The following PRR14L variants were observed in gnomAD, a reference collection of about 807,000 sequenced individuals.
The protein encoded by PRR14L is proline rich 14 like.
PRR14L carries 80 observed loss-of-function variants against 155.0 expected under a neutral mutation model. That is an observed-to-expected ratio of 0.52 (90% CI 0.43 to 0.62). PRR14L has a LOEUF of 0.62. PRR14L is among the 20% of genes least tolerant of loss of function. PRR14L has a pLI of 0.00. For synonymous variants in PRR14L, 883 were observed against 916.0 expected (o/e 0.96, Z 0.65); for missense variants, 2,469 against 2,548.0 (o/e 0.97, Z 0.67).
chr22:31,719,767 C>T (rs1045371010), intron 3 of PRR14L, among the ~76,000 whole-genome samples: 10 of 150,392 alleles, frequency 6.6e-5, no homozygotes, highest in Non-Finnish European at 1.0e-4. Context: ...GACAGGGTCT[C>T]GCTTTGTTGC....
chr22:31,705,126 T>G (rs2074583142), intron 4 of PRR14L, among the ~76,000 whole-genome samples: 1 of 151,998 alleles, frequency 6.6e-6, no homozygotes, highest in Admixed American at 6.6e-5. Flanking sequence ...CCAGGGGTGG[T>G]GGAGTGCACC....
rs1259113130 is a variant in PRR14L at position 31,716,393 on chromosome 22, G to A, written c.1446C>T (p.His482=). The part of the protein sequence containing the change: ...LNKNDLKITV[H]VQGNLTNPED... ...CAGGGTTTGTCAAGTTACCTTGAAC[G>A]TGTACAGTAATTTTCAAATCATTTT... The change falls in exon 4 of 9, where the codon CAC becomes CAT. Residue 482 remains histidine (H), a synonymous_variant. Transcript: ENST00000327423. 1.4e-5 allele frequency: 22 copies of A among 1,549,544 alleles called. No homozygotes were observed. Among genetic ancestry groups the A allele is most frequent in the East Asian group, 1.2e-4 (5 of 40,912 alleles).
chr22:31,712,471 T>A lies in PRR14L; in HGVS notation c.5368A>T (p.Thr1790Ser). Residue 1790 changes from threonine to serine, a missense_variant, in exon 4 of 9, where the codon ACT becomes TCT. Coordinates refer to ENST00000327423, the MANE Select transcript of PRR14L (RefSeq NM_173566.3). Reference sequence around the variant, plus strand: ...GCTGGAGGCTGGGGAGGAGCCTGAGTGTGGGTCTGACTATGGACGCCAGTG... The same window carrying A: ...GCTGGAGGCTGGGGAGGAGCCTGAGAGTGGGTCTGACTATGGACGCCAGTG... ...EDTGVHSQTH[T>S]QAPPQPPAPL... is the part of the protein sequence containing the mutation. 6.4e-7 allele frequency: 1 copy of A among 1,553,206 alleles called. No homozygotes were observed. Among genetic ancestry groups the A allele is most frequent in the Non-Finnish European group, 8.7e-7 (1 of 1,147,672 alleles).
Position 31,716,582 on chromosome 22 carries a change from T to C in PRR14L, c.1257A>G (p.Glu419=), listed in dbSNP as rs1250034386. Residue 419 remains glutamate, a synonymous_variant, in exon 4 of 9, where the codon GAA becomes GAG. Coordinates refer to ENST00000327423, the MANE Select transcript of PRR14L (RefSeq NM_173566.3). ...RGGPFLFNAR[E]PEKEISGRCS... ...AACGACCACTAATCTCCTTTTCTGG[T>C]TCCCTGGCATTAAAAAGAAAAGGTC... is the stretch of plus-strand genomic sequence containing the variant. 2 of 1,549,198 alleles carry C rather than the reference T, an allele frequency of 1.3e-6. No individual in the cohort carries two copies. Among genetic ancestry groups the C allele is most frequent in the Admixed American group, 4.0e-5 (2 of 50,334 alleles).
chr22:31,705,060 G>A (rs2074582700), intron 4 of PRR14L, among the ~76,000 whole-genome samples: 1 of 152,114 alleles, frequency 6.6e-6, no homozygotes. Flanking sequence ...AGGAGTTCAA[G>A]ACCAGCTTGG....
intron 7 of PRR14L, among the ~76,000 whole-genome samples, chr22:31,698,973 T>C (rs2074549578): frequency 6.6e-6 from 1 of 152,154 alleles, no homozygotes. Flanking sequence ...ACACATTTAG[T>C]AAAGCAGTAT....
At chr22:31,736,202 G>T (rs997827633) in intron 2 of PRR14L, among the ~76,000 whole-genome samples, 1 of 134,352 alleles carries the variant, frequency 7.4e-6, no homozygotes, top group Non-Finnish European at 1.6e-5. Flanking sequence ...CTGGGCAATA[G>T]AACGAGACTC....
rs367918307 is a variant in PRR14L at position 31,717,163 on chromosome 22, C to A, written c.676G>T (p.Ala226Ser). 7.7e-6 allele frequency: 12 copies of A among 1,552,336 alleles called. No individual in the cohort carries two copies. Among genetic ancestry groups the A allele is most frequent in the Admixed American group, 2.0e-5 (1 of 51,006 alleles). ...KNGNVSKDLS[A>S]GCGEFQEVDK... Reference sequence around the variant, plus strand: ...ACTTCTTGGAATTCACCGCATCCAGCTGAGAGATCTTTACTCACATTGCCA... The same window carrying A: ...ACTTCTTGGAATTCACCGCATCCAGATGAGAGATCTTTACTCACATTGCCA... Residue 226 changes from alanine to serine, a missense_variant, in exon 4 of 9, where the codon GCT becomes TCT. Ala to Ser is a moderately conservative substitution (Grantham distance 99, BLOSUM62 1). Around this residue, in one of 2 missense-constraint regions of PRR14L, gnomAD observed 2,363 missense variants for 2,371.6 expected, o/e 1.00. Coordinates refer to ENST00000327423, the MANE Select transcript of PRR14L (RefSeq NM_173566.3).
Position 31,715,438 on chromosome 22 carries a change from A to C in PRR14L, c.2401T>G (p.Cys801Gly). The change falls in exon 4 of 9, where the codon TGT (cysteine) becomes GGT (glycine). Residue 801 changes from cysteine to glycine, a missense_variant. By Grantham distance (159) the Cys-to-Gly change is radical. Around this residue, in one of 2 missense-constraint regions of PRR14L, gnomAD observed 2,363 missense variants for 2,371.6 expected, o/e 1.00. Coordinates refer to ENST00000327423, the MANE Select transcript of PRR14L (RefSeq NM_173566.3). The stretch of plus-strand genomic sequence containing the variant: ...GACTTGAAAGCAGCAGAAGCAGAAC[A>C]CATGTTTTCCTGGGATACATTTTTT... ...VRKNVSQENM[C>G]SASAAFKSSK... 1 of 1,552,374 alleles carries C rather than the reference A, an allele frequency of 6.4e-7. No homozygotes were observed. Among genetic ancestry groups the C allele is most frequent in the Non-Finnish European group, 8.7e-7 (1 of 1,147,128 alleles).
intron 2 of PRR14L, among the ~76,000 whole-genome samples, chr22:31,737,188 T>C (rs1018016954): frequency 6.6e-6 from 1 of 151,874 alleles, no homozygotes; most frequent in Non-Finnish European, 1.5e-5. Flanking sequence ...CTTTAAGAAT[T>C]TGGAGGGCCC....
At position 31,683,483 on chromosome 22, in the gene PRR14L, T is replaced by C. The variant is rs540849032; in HGVS notation, c.*2044A>G. The C allele has an allele frequency of 6.6e-6, 1 of 152,226 alleles. No individual in the cohort carries two copies. Among genetic ancestry groups the C allele is most frequent in the Non-Finnish European group, 1.5e-5 (1 of 68,078 alleles). 9.4% of individuals were successfully genotyped at this position (152,226 alleles called of 1,614,324 possible). ...AAGCATTTAGTGTCTAAGAACCCTG[T>C]CCCAGGAAGGGAGAGGTATTGAGGT... is the stretch of plus-strand genomic sequence containing the variant. On this transcript the variant is annotated 3_prime_UTR_variant, in exon 9 of 9. Transcript: ENST00000327423.
At chr22:31,721,275 G>T (rs1472775218) in intron 3 of PRR14L, among the ~76,000 whole-genome samples, 4 of 152,216 alleles carry the variant, frequency 2.6e-5, no homozygotes, top group African/African-American at 9.6e-5. Flanking sequence ...AATAAGGAAT[G>T]ATAGGCAAAA....
chr22:31,712,585 C>T lies in PRR14L; in HGVS notation c.5254G>A (p.Ala1752Thr). The T allele has an allele frequency of 6.4e-7, 1 of 1,551,684 alleles. No homozygotes were observed. The highest frequency in any genetic ancestry group is 1.4e-5 in the African/African-American group (1 of 73,176). Reference sequence around the variant, plus strand: ...GGAGGTTGAGACGGGCACTGGAGGGCCTCTCCTAAGGCAAGCCTTGCCGGA... The same window carrying T: ...GGAGGTTGAGACGGGCACTGGAGGGTCTCTCCTAAGGCAAGCCTTGCCGGA... The part of the protein sequence containing the change: ...CAPARLALGE[A>T]LQCPSQPPKW... The change falls in exon 4 of 9, where the codon GCC (alanine) becomes ACC (threonine). Residue 1752 changes from alanine (A) to threonine (T), a missense_variant. Transcript: ENST00000327423.
intron 2 of PRR14L, among the ~76,000 whole-genome samples, chr22:31,735,047 T>C (rs755642973): frequency 2.5e-4 from 38 of 152,214 alleles, no homozygotes; most frequent in Admixed American, 6.5e-4. Flanking sequence ...GAGTACAAAA[T>C]GTTAACATTT....
At chr22:31,739,151 T>C in intron 1 of PRR14L, among the ~76,000 whole-genome samples, 1 of 152,196 alleles carries the variant, frequency 6.6e-6, no homozygotes, top group Non-Finnish European at 1.5e-5. Flanking sequence ...TTATGAACAA[T>C]TCTCAATTTA....
chr22:31,712,408 T>C lies in PRR14L; in HGVS notation c.5431A>G (p.Thr1811Ala), dbSNP rs746019644. The C allele has an allele frequency of 1.2e-5, 19 of 1,587,154 alleles. No homozygotes were observed. Among genetic ancestry groups the C allele is most frequent in the Non-Finnish European group, 1.5e-5 (18 of 1,166,400 alleles). ...QDYGGTAIVQTRADCSVLGLH... is the reference protein window; with the variant it reads ...QDYGGTAIVQARADCSVLGLH... ...CCAAGGACAGAGCAGTCTGCTCTGG[T>C]CTGGACTATGGCAGTGCCTCCATAG... The change falls in exon 4 of 9, where the codon ACC becomes GCC. Residue 1811 changes from threonine to alanine, a missense_variant. This residue lies in a region of PRR14L where 2,363 missense variants were observed against 2,371.6 expected (regional missense o/e 1.00). Coordinates refer to ENST00000327423, the MANE Select transcript of PRR14L (RefSeq NM_173566.3).
chr22:31,723,097 C>T (rs1349995261), intron 3 of PRR14L, among the ~76,000 whole-genome samples: 1 of 152,010 alleles, frequency 6.6e-6, no homozygotes, highest in East Asian at 1.9e-4. Flanking sequence ...ACAGGAATAC[C>T]CTGGAATGTT....
rs1449156614 is a variant in PRR14L, at chr22:31,714,435, T to C, written c.3404A>G (p.Asn1135Ser). 1.3e-6 allele frequency: 2 copies of C among 1,551,530 alleles called. No homozygotes were observed. Among genetic ancestry groups the C allele is most frequent in the East Asian group, 4.9e-5 (2 of 40,934 alleles). The change falls in exon 4 of 9, where the codon AAC becomes AGC. Residue 1135 changes from asparagine (N) to serine (S), a missense_variant. Asn to Ser is a conservative substitution (Grantham distance 46). Coordinates refer to ENST00000327423, the MANE Select transcript of PRR14L (RefSeq NM_173566.3). ...ACAGTCTTTTAAAGATCTGCATACG[T>C]TTTCTTCACATGATTTTTTTATTTT... ...FLKIKKSCEE[N>S]VCRSLKDCEM...
chr22:31,706,786 G>A (rs577686124), intron 4 of PRR14L, among the ~76,000 whole-genome samples: 7 of 152,124 alleles, frequency 4.6e-5, no homozygotes, highest in South Asian at 2.1e-4. Context: ...ATGGTGGCTC[G>A]CGCCTATAAT....
Sources: allele counts gnomAD v4.1 joint callset (sites outside exome capture counted in the v4.1 genomes callset), GRCh38; gene constraint gnomAD v4.1.1; regional missense constraint gnomAD v4.1.1; transcripts MANE v1.5; gene names NCBI Gene and HGNC (gene_info 2026-07-23, HGNC 2026-07-21).